NCKAP1: variants seen among roughly 807,000 people sequenced by gnomAD.
The protein encoded by NCKAP1 is NCK associated protein 1.
NCKAP1 carries 21 observed loss-of-function variants against 151.2 expected under a neutral mutation model. The ratio of observed to expected loss-of-function variants is 0.14; its 90% CI spans 0.10 to 0.20. The LOEUF is 0.20. NCKAP1 is among the 10% of genes least tolerant of loss of function. The pLI is 1.00. For missense variants in NCKAP1, 933 were observed against 1,352.1 expected, an observed-to-expected ratio of 0.69 and a Z score of 4.86; for synonymous variants, 484 against 451.8, an observed-to-expected ratio of 1.07 and a Z score of -0.90.
At chr2:183,032,780 C>A (rs1190954305) in intron 1 of NCKAP1, among the ~76,000 whole-genome samples, 1 of 152,184 alleles carries the variant, frequency 6.6e-6, no homozygotes, top group Non-Finnish European at 1.5e-5. Context: ...GGTGCGGTAG[C>A]TTACACCTGT....
Position 183,026,558 on chromosome 2 carries a change from C to T in NCKAP1, c.109-2642G>A, listed in dbSNP as rs375340644. Among the ~76,000 whole-genome samples, 6 of 151,694 alleles carry T rather than the reference C, an allele frequency of 4.0e-5. No individual in the cohort carries two copies. In the East Asian group the frequency reaches 7.7e-4, roughly 20 times the overall value. On this transcript the variant is annotated intron_variant, in intron 1 of 30. Transcript: ENST00000361354. ...TCTGCTTTCCCTGGAATTGATTTAC[C>T]TTTTCCACACTGCTCAGTGGACCTT...
intron 15 of NCKAP1, among the ~76,000 whole-genome samples, chr2:182,976,119 A>G (rs1202883090): frequency 2.0e-5 from 3 of 152,186 alleles, no homozygotes; most frequent in Non-Finnish European, 2.9e-5. Context: ...ATTTAAAAAT[A>G]TATGGATTTT....
intron 2 of NCKAP1, among the ~76,000 whole-genome samples, chr2:183,019,692 C>T (rs1698759585): frequency 1.3e-5 from 2 of 152,186 alleles, no homozygotes; most frequent in Admixed American, 1.3e-4. Context: ...ACCTGGCACA[C>T]ATTAGATAAC....
chr2:183,036,425 T>C (rs1009818957), intron 1 of NCKAP1, among the ~76,000 whole-genome samples: 7 of 152,242 alleles, frequency 4.6e-5, no homozygotes, highest in African/African-American at 1.7e-4. Context: ...AAAATTCATA[T>C]AGGAATCAAT....
intron 6 of NCKAP1, among the ~76,000 whole-genome samples, chr2:183,001,404 T>A (rs1201177429): frequency 6.6e-6 from 1 of 152,210 alleles, no homozygotes; most frequent in Non-Finnish European, 1.5e-5. Context: ...TAAGAACTAT[T>A]TTTAATATCT....
Position 182,935,314 on chromosome 2 carries a change from C to T in NCKAP1, c.2757G>A (p.Leu919=). 1 of 1,590,864 alleles carries T rather than the reference C, an allele frequency of 6.3e-7. No homozygotes were observed. The highest frequency in any genetic ancestry group is 8.5e-7 in the Non-Finnish European group (1 of 1,171,596). ...IIGVILSFRS[L]AQEALRDVLS... ...TTACATCTCTAAGTGCTTCTTGTGC[C>T]AATGATCGGAAGGATAAAATTACAC... Residue 919 remains leucine (L), a synonymous_variant, in exon 25 of 31, where the codon TTG becomes TTA. Coordinates refer to ENST00000361354, the MANE Select transcript of NCKAP1 (RefSeq NM_013436.5).
rs376544285 is a variant in NCKAP1 at position 182,982,470 on chromosome 2, T to G, written c.1208+351A>C. On this transcript the variant is annotated intron_variant, in intron 12 of 30. Coordinates refer to ENST00000361354, the MANE Select transcript of NCKAP1 (RefSeq NM_013436.5). ...GAAGAGATACACATTTAGTACAAAT[T>G]GTACTTTGAATTTTGACTTTTTTTC... Among the ~76,000 whole-genome samples, 4 of 152,308 alleles carry G rather than the reference T, an allele frequency of 2.6e-5. No individual in the cohort carries two copies. The East Asian group carries it at 5.8e-4, about 22-fold the overall frequency.
rs952339034 is a variant in NCKAP1 at position 182,952,961 on chromosome 2, C to T, written c.2373-38G>A. ...GTAAACTTATAACCGGAAGAAACTGCTTAATTCAGAATGTATCATGATATA... is the reference window on the plus strand; with the variant it reads ...GTAAACTTATAACCGGAAGAAACTGTTTAATTCAGAATGTATCATGATATA... On this transcript the variant is annotated intron_variant, in intron 21 of 30. Transcript: ENST00000361354. 3.8e-6 allele frequency: 6 copies of T among 1,584,054 alleles called. No homozygotes were observed. The African/African-American group carries it at 5.4e-5, about 14-fold the overall frequency.
At chr2:183,003,188 A>T in intron 3 of NCKAP1, 45 bp downstream of exon 3, 1 of 1,288,044 alleles carries the variant, frequency 7.8e-7, no homozygotes, top group Non-Finnish European at 1.1e-6. Flanking sequence ...ATAAACATTT[A>T]AATCTACTTC....
chr2:182,949,547 A>G (rs1262453386), intron 23 of NCKAP1, among the ~76,000 whole-genome samples: 1 of 152,222 alleles, frequency 6.6e-6, no homozygotes, highest in African/African-American at 2.4e-5. Flanking sequence ...CGTGCCTGTA[A>G]TCCCAGCACT....
intron 17 of NCKAP1, among the ~76,000 whole-genome samples, chr2:182,963,052 A>G (rs1697490313): frequency 6.6e-6 from 1 of 152,084 alleles, no homozygotes; most frequent in African/African-American, 2.4e-5. Flanking sequence ...GAGCTTACAT[A>G]CAGTATTTAT....
chr2:182,994,014 C>A (rs1301833609), intron 8 of NCKAP1, among the ~76,000 whole-genome samples: 3 of 151,976 alleles, frequency 2.0e-5, no homozygotes, highest in South Asian at 2.1e-4. Context: ...CGAAGGAAAA[C>A]AAACAAACAA....
chr2:182,983,193 T>C, intron 11 of NCKAP1, 93 bp downstream of exon 11: 1 of 1,005,732 alleles, frequency 9.9e-7, no homozygotes, highest in East Asian at 2.6e-5. Context: ...TTTTATGTAG[T>C]CCCTGACTCA....
At chr2:182,965,167 G>A (rs1005221585) in intron 16 of NCKAP1, among the ~76,000 whole-genome samples, 4 of 151,842 alleles carry the variant, frequency 2.6e-5, no homozygotes, top group African/African-American at 9.7e-5. Context: ...AAGGCAGGTG[G>A]ATCACTGGAG....
rs1696549394 is a variant in NCKAP1 at position 182,921,508 on chromosome 2, C to T, written c.*4194G>A. The T allele has an allele frequency of 6.6e-6, 1 of 152,138 alleles. No homozygotes were observed. Among genetic ancestry groups the T allele is most frequent in the Non-Finnish European group, 1.5e-5 (1 of 68,048 alleles). The allele number at this position is 152,138 out of a possible 1,614,324, so 9.4% of individuals were successfully genotyped here. A position where few individuals can be genotyped will look rare whatever the true frequency, so the allele number is the denominator to read the frequency against. The stretch of plus-strand genomic sequence containing the variant: ...GCCACCCATTTACCAAGTTTGTGGC[C>T]CTCATGTAAGAGGTGACCAAGATGC... On this transcript the variant is annotated 3_prime_UTR_variant, in exon 31 of 31. Transcript: ENST00000361354.
chr2:182,986,135 G>A (rs756228205), intron 10 of NCKAP1, 36 bp downstream of exon 10: 14 of 1,596,532 alleles, frequency 8.8e-6, no homozygotes, highest in Non-Finnish European at 1.2e-5. Flanking sequence ...AATTTTTCTT[G>A]ATTAAAGCTA....
chr2:182,952,363 G>T, intron 23 of NCKAP1, 42 bp downstream of exon 23: 1 of 1,296,810 alleles, frequency 7.7e-7, no homozygotes, highest in Non-Finnish European at 1.1e-6. Flanking sequence ...TGTTTTTCAG[G>T]AATTAATGTT....
intron 14 of NCKAP1, among the ~76,000 whole-genome samples, chr2:182,978,116 T>C (rs143675302): frequency 6.6e-6 from 1 of 152,244 alleles, no homozygotes; most frequent in African/African-American, 2.4e-5. Flanking sequence ...ATAAACCAAA[T>C]ATCACCAGAA....
intron 1 of NCKAP1, among the ~76,000 whole-genome samples, chr2:183,031,862 A>G (rs1370369857): frequency 1.3e-5 from 2 of 152,228 alleles, no homozygotes; most frequent in Admixed American, 1.3e-4. Flanking sequence ...GCATAACAGA[A>G]GCTGAGAGCA....
Sources: allele counts gnomAD v4.1 joint callset (sites outside exome capture counted in the v4.1 genomes callset), GRCh38; gene constraint gnomAD v4.1.1; transcripts MANE v1.5; gene names NCBI Gene and HGNC (gene_info 2026-07-23, HGNC 2026-07-21).